Variants in CMPK2 observed in about 807,000 individuals in gnomAD.
CMPK2 encodes cytidine/uridine monophosphate kinase 2.
CMPK2 carries 32 observed loss-of-function variants against 33.4 expected under a neutral mutation model. The observed-to-expected ratio is 0.96, with a 90% CI of 0.72 to 1.29. CMPK2 has a LOEUF of 1.29. Ranked by LOEUF, CMPK2 falls within the 50% of genes most tolerant of loss-of-function variation. The pLI is 0.00. For missense variants in CMPK2, 672 were observed against 616.0 expected (o/e 1.09, Z -0.96); for synonymous variants, 299 against 275.3 (o/e 1.09, Z -0.85).
rs768051644 is a variant in CMPK2, at chr2:6,849,854, G to A, written c.1346C>T (p.Pro449Leu). 2.1e-5 allele frequency: 34 copies of A among 1,613,562 alleles called. No individual in the cohort carries two copies. The highest frequency in any genetic ancestry group is 8.9e-5 in the East Asian group (4 of 44,862). ...LSLIQNSFSE[P>L] ...CGTGGCACCTGGCCAGAGTAACTAC[G>A]GTTCACTAAAACTATTCTGGATTAG... Residue 449 changes from proline to leucine, a missense_variant, in exon 5 of 5, where the codon CCG (proline) becomes CTG (leucine). Physicochemically the swap from Pro to Leu is moderately conservative, Grantham distance 98 (BLOSUM62 -3). Transcript: ENST00000256722.
chr2:6,855,444 C>G (rs908817146), intron 3 of CMPK2, among the ~76,000 whole-genome samples: 2 of 151,956 alleles, frequency 1.3e-5, no homozygotes, highest in African/African-American at 4.8e-5. Flanking sequence ...TATAGCCATG[C>G]AGAATTGTCA....
downstream of CMPK2, among the ~76,000 whole-genome samples, chr2:6,843,783 T>C (rs1192691180): frequency 6.6e-6 from 1 of 152,186 alleles, no homozygotes; most frequent in Non-Finnish European, 1.5e-5. Flanking sequence ...TTAAAGACTT[T>C]CCTTAGACAT....
chr2:6,866,595 TC>T, upstream of CMPK2: 1 of 336,420 alleles, frequency 3.0e-6, no homozygotes, highest in Non-Finnish European at 4.2e-6. Flanking sequence ...CCTGCCACAG[TC>T]CAGCATCAGC....
exon 4 of CMPK2, chr2:6,840,610 C>T (rs1248875959): frequency 4.3e-6 from 3 of 702,244 alleles, no homozygotes; most frequent in East Asian, 5.4e-5. Flanking sequence ...ATCCAAGATT[C>T]CAGTCCCACA....
chr2:6,859,385 C>A (rs1208705922), intron 3 of CMPK2, among the ~76,000 whole-genome samples: 1 of 152,206 alleles, frequency 6.6e-6, no homozygotes, highest in South Asian at 2.1e-4. Context: ...GGGAAAATGT[C>A]TCGAGGGCAT....
At chr2:6,845,560 G>C (rs1319750066), downstream of CMPK2, among the ~76,000 whole-genome samples, 1 of 152,140 alleles carries the variant, frequency 6.6e-6, no homozygotes, top group Non-Finnish European at 1.5e-5. Flanking sequence ...GAGCCAGTAG[G>C]GCAGGACTAG....
chr2:6,854,836 A>G (rs1277325453), intron 3 of CMPK2, among the ~76,000 whole-genome samples: 1 of 152,116 alleles, frequency 6.6e-6, no homozygotes, highest in Admixed American at 6.5e-5. Context: ...TCTTGACAGT[A>G]GGCAGGGAAG....
At chr2:6,854,333 A>T (rs1315325877) in intron 3 of CMPK2, among the ~76,000 whole-genome samples, 1 of 152,216 alleles carries the variant, frequency 6.6e-6, no homozygotes, top group East Asian at 1.9e-4. Context: ...TAAGACTCCA[A>T]CCTTAACCAC....
chr2:6,858,425 T>C (rs1169663539), intron 3 of CMPK2, among the ~76,000 whole-genome samples: 2 of 152,204 alleles, frequency 1.3e-5, no homozygotes, highest in Non-Finnish European at 2.9e-5. Flanking sequence ...TAATGTTAAG[T>C]TTGCTCCATG....
intron 3 of CMPK2, chr2:6,840,734 G>T: frequency 1.4e-6 from 1 of 697,810 alleles, no homozygotes; most frequent in South Asian, 1.5e-5. Context: ...CTCCTTGGTA[G>T]AACAGAGGTG....
Position 6,865,340 on chromosome 2 carries a change from G to A in CMPK2, c.357C>T (p.Cys119=), listed in dbSNP as rs899122628. Residue 119 remains cysteine (C), a synonymous_variant, in exon 1 of 5, where the codon TGC becomes TGT. Coordinates refer to ENST00000256722, the MANE Select transcript of CMPK2 (RefSeq NM_207315.4). ...GTGCGCCGCCGGCCTGGCCGCCCGG[G>A]CAGTAGCAGAGCAGCCTGAGCAGCT... is the stretch of plus-strand genomic sequence containing the variant. The part of the protein sequence containing the change: ...RCQLLRLLCY[C]PGGQAGGAQQ... 8 of 1,484,520 alleles carry A rather than the reference G, an allele frequency of 5.4e-6. No homozygotes were observed. The highest frequency in any genetic ancestry group is 2.9e-5 in the African/African-American group (2 of 68,512). 92.0% of individuals were successfully genotyped at this position (1,484,520 alleles called of 1,614,324 possible). A position where few individuals can be genotyped will look rare whatever the true frequency, so the allele number is the denominator to read the frequency against.
intron 3 of CMPK2, among the ~76,000 whole-genome samples, chr2:6,841,097 G>A (rs1416033560): frequency 6.6e-6 from 1 of 152,084 alleles, no homozygotes; most frequent in Non-Finnish European, 1.5e-5. Context: ...TATGCTCAGT[G>A]CTTTTGAGAC....
At chr2:6,860,405 G>C (rs1662837109) in intron 3 of CMPK2, among the ~76,000 whole-genome samples, 1 of 152,194 alleles carries the variant, frequency 6.6e-6, no homozygotes, top group African/African-American at 2.4e-5. Context: ...ATCTCATCTT[G>C]AATTCCCATG....
downstream of CMPK2, among the ~76,000 whole-genome samples, chr2:6,845,934 G>A (rs1662349089): frequency 6.6e-6 from 1 of 152,046 alleles, no homozygotes; most frequent in Non-Finnish European, 1.5e-5. Context: ...TTATCAGGAT[G>A]GCTACCTCCC....
At chr2:6,866,088 C>G, upstream of CMPK2, 1 of 256,738 alleles carries the variant, frequency 3.9e-6, no homozygotes, top group Non-Finnish European at 7.6e-6. Context: ...GGCCCCGACC[C>G]TGGTTTGAGT....
downstream of CMPK2, among the ~76,000 whole-genome samples, chr2:6,848,009 G>T (rs1242902455): frequency 6.6e-6 from 1 of 152,076 alleles, no homozygotes; most frequent in Non-Finnish European, 1.5e-5. Context: ...TCAGTTTTAG[G>T]GTAGGAGGTG....
Position 6,865,223 on chromosome 2 carries a change from G to T in CMPK2, c.474C>A (p.Arg158=), listed in dbSNP as rs764939514. The change falls in exon 1 of 5, where the codon CGC becomes CGA. Residue 158 remains arginine, a synonymous_variant. Transcript: ENST00000256722. ...ELLGACQEAP[R]PHLGEFEADP... ...CGGCCTCGAACTCGCCCAAGTGCGG[G>T]CGTGGTGCCTCCTGACAGGCGCCCA... 1.3e-6 allele frequency: 2 copies of T among 1,535,728 alleles called. No individual in the cohort carries two copies. Among genetic ancestry groups the T allele is most frequent in the Admixed American group, 1.9e-5 (1 of 51,862 alleles).
At position 6,851,507 on chromosome 2, in the gene CMPK2, C is replaced by T. The variant is rs1472446068; in HGVS notation, c.1169G>A (p.Gly390Asp). The change falls in exon 4 of 5, where the codon GGC becomes GAC. Residue 390 changes from glycine to aspartate, a missense_variant. Physicochemically the swap from Gly to Asp is moderately conservative, Grantham distance 94 (BLOSUM62 -1). Coordinates refer to ENST00000256722, the MANE Select transcript of CMPK2 (RefSeq NM_207315.4). ...EERLQRLQGR[G>D]MEKTREEAEL... Reference sequence around the variant, plus strand: ...TGCTTCTTCCCTGGTCTTCTCCATGCCCCGGCCCTGCAGCCTCTGCAACCT... The same window carrying T: ...TGCTTCTTCCCTGGTCTTCTCCATGTCCCGGCCCTGCAGCCTCTGCAACCT... 1.9e-6 allele frequency: 3 copies of T among 1,614,118 alleles called. No individual in the cohort carries two copies. Among genetic ancestry groups the T allele is most frequent in the African/African-American group, 1.3e-5 (1 of 74,938 alleles).
chr2:6,847,227 G>T (rs1365769184), downstream of CMPK2, among the ~76,000 whole-genome samples: 5 of 152,076 alleles, frequency 3.3e-5, no homozygotes, highest in Non-Finnish European at 7.3e-5. Flanking sequence ...CCTTTGCCTG[G>T]GACCAATCAG....
Sources: gnomAD v4.1 joint callset for allele counts (sites outside exome capture counted in the v4.1 genomes callset) on GRCh38, gnomAD v4.1.1 for gene constraint, MANE v1.5 for transcripts, NCBI Gene and HGNC (gene_info 2026-07-23, HGNC 2026-07-21) for gene names.